The following CDC73 variants were observed in gnomAD, a reference collection of about 807,000 sequenced individuals.
The protein encoded by CDC73 is cell division cycle 73, also known as parafibromin.
Under a neutral mutation model 83.7 loss-of-function variants are expected in CDC73, and 21 were observed. The ratio of observed to expected loss-of-function variants is 0.25; its 90% confidence interval spans 0.18 to 0.36. The LOEUF is 0.36. CDC73 is among the 10% of genes least tolerant of loss of function. The probability of loss-of-function intolerance (pLI) is 1.00; values close to 1 mark genes in which losing one functional copy is unlikely to be tolerated. For missense variants in CDC73, 342 were observed against 653.3 expected (o/e 0.52, Z 5.19); for synonymous variants, 224 against 212.9 (o/e 1.05, Z -0.45).
intron 13 of CDC73, among the ~76,000 whole-genome samples, chr1:193,213,689 C>G (rs1677314760): frequency 6.6e-6 from 1 of 152,008 alleles, no homozygotes; most frequent in Non-Finnish European, 1.5e-5. Context: ...ACATACATAC[C>G]TGATTATTTA....
chr1:193,163,839 C>T lies in CDC73; in HGVS notation c.972+11395C>T, dbSNP rs913998231. On this transcript the variant is annotated intron_variant, in intron 10 of 16. Coordinates refer to ENST00000367435, the MANE Select transcript of CDC73 (RefSeq NM_024529.5). Reference sequence around the variant, plus strand: ...TGTCACCCAGGCTGGAGTGCAGTGGCGTGATCTGGATCAACTGCAACCTCC... The same window carrying T: ...TGTCACCCAGGCTGGAGTGCAGTGGTGTGATCTGGATCAACTGCAACCTCC... Among the ~76,000 whole-genome samples the T allele has an allele frequency of 8.8e-4, 134 of 152,054 alleles. 13 individuals carry two copies. The highest frequency in any genetic ancestry group is 2.4e-5 in the African/African-American group (1 of 41,410).
At chr1:193,168,388 T>C (rs1676467130) in intron 10 of CDC73, among the ~76,000 whole-genome samples, 1 of 152,182 alleles carries the variant, frequency 6.6e-6, no homozygotes, top group African/African-American at 2.4e-5. Context: ...AAACAAAATT[T>C]AGTGTTACAT....
chr1:193,235,909 A>T (rs1450575178), intron 14 of CDC73, among the ~76,000 whole-genome samples: 1 of 152,226 alleles, frequency 6.6e-6, no homozygotes, highest in African/African-American at 2.4e-5. Flanking sequence ...GTTATCAACC[A>T]CTATTCCCTA....
intron 13 of CDC73, among the ~76,000 whole-genome samples, chr1:193,224,209 T>C (rs1291890209): frequency 6.6e-6 from 1 of 152,078 alleles, no homozygotes; most frequent in Non-Finnish European, 1.5e-5. Context: ...ATTTACTGTT[T>C]ACTTGTTTTT....
chr1:193,202,552 A>C (rs1413280009), intron 10 of CDC73, among the ~76,000 whole-genome samples: 1 of 151,912 alleles, frequency 6.6e-6, no homozygotes, highest in Non-Finnish European at 1.5e-5. Flanking sequence ...AATATATATT[A>C]ATAACTAAAT....
intron 10 of CDC73, among the ~76,000 whole-genome samples, chr1:193,191,847 T>C (rs1233081469): frequency 6.6e-6 from 1 of 152,146 alleles, no homozygotes; most frequent in Non-Finnish European, 1.5e-5. Context: ...GTAAAGTAAA[T>C]ATAAAGGGCA....
At chr1:193,142,545 G>A (rs1439937159) in intron 7 of CDC73, among the ~76,000 whole-genome samples, 1 of 151,862 alleles carries the variant, frequency 6.6e-6, no homozygotes, top group Non-Finnish European at 1.5e-5. Context: ...CCCTATTAAT[G>A]GAAATTGTTT....
At chr1:193,220,039 A>G (rs1034773569) in intron 13 of CDC73, among the ~76,000 whole-genome samples, 1 of 152,116 alleles carries the variant, frequency 6.6e-6, no homozygotes, top group Admixed American at 6.5e-5. Flanking sequence ...AATGTTGAAA[A>G]TTTCCTGTTA....
chr1:193,123,659 A>G (rs1675509165), intron 1 of CDC73, among the ~76,000 whole-genome samples: 1 of 149,880 alleles, frequency 6.7e-6, no homozygotes, highest in South Asian at 2.1e-4. Context: ...ATGTGGTTGG[A>G]TTTTTAGTGA....
At chr1:193,193,833 T>TG (rs1676959671) in intron 10 of CDC73, among the ~76,000 whole-genome samples, 1 of 140,942 alleles carries the variant, frequency 7.1e-6, no homozygotes, top group Non-Finnish European at 1.5e-5. Flanking sequence ...GTGTGTGTTG[T>TG]GGGGCAGTGA....
At chr1:193,205,811 A>G (rs1173933536) in intron 11 of CDC73, among the ~76,000 whole-genome samples, 1 of 152,170 alleles carries the variant, frequency 6.6e-6, no homozygotes, top group African/African-American at 2.4e-5. Context: ...GAAGGAAGAA[A>G]AAAGTGAAGG....
At chr1:193,209,066 C>T (rs1330271466) in intron 11 of CDC73, among the ~76,000 whole-genome samples, 2 of 152,228 alleles carry the variant, frequency 1.3e-5, no homozygotes, top group Non-Finnish European at 2.9e-5. Flanking sequence ...GGCTCCCGTA[C>T]TCTGCTGAAA....
chr1:193,231,091 T>C (rs907081464), intron 13 of CDC73, among the ~76,000 whole-genome samples: 7 of 152,148 alleles, frequency 4.6e-5, no homozygotes, highest in Non-Finnish European at 7.4e-5. Flanking sequence ...ATAATAGACT[T>C]TTTATTAGTT....
chr1:193,190,857 A>G (rs542855944), intron 10 of CDC73, among the ~76,000 whole-genome samples: 3 of 152,284 alleles, frequency 2.0e-5, no homozygotes, highest in Non-Finnish European at 4.4e-5. Context: ...TGGTAGGGGT[A>G]GTACTGATTT....
rs114361688 is a variant in CDC73, at chr1:193,239,732, T to C, written c.1417+3376T>C. 5.1e-3 allele frequency among the ~76,000 whole-genome samples: 776 copies of C among 152,272 alleles called. 3 individuals are homozygous for C. The highest frequency in any genetic ancestry group is 8.4e-3 in the Non-Finnish European group (569 of 67,984). On this transcript the variant is annotated intron_variant, in intron 15 of 16. Transcript: ENST00000367435. Reference sequence around the variant, plus strand: ...ATGTATCACCTTGAGTGTTTATTATTTCTGTGTTTTGGGAACATTTCAAGT... The same window carrying C: ...ATGTATCACCTTGAGTGTTTATTATCTCTGTGTTTTGGGAACATTTCAAGT...
At chr1:193,163,993 G>A (rs146179750) in intron 10 of CDC73, among the ~76,000 whole-genome samples, 1 of 152,142 alleles carries the variant, frequency 6.6e-6, no homozygotes, top group Non-Finnish European at 1.5e-5. Flanking sequence ...GGCCAGGCTG[G>A]CCTTGAACTC....
rs575251088 is a variant in CDC73, at chr1:193,226,642, A to T, written c.1155-6351A>T. On this transcript the variant is annotated intron_variant, in intron 13 of 16. Coordinates refer to ENST00000367435, the MANE Select transcript of CDC73 (RefSeq NM_024529.5). ...ACATTTATTGACTTGTGTATGTTAA[A>T]CCATCCCTGCATCCTTGGTATGAAA... Among the ~76,000 whole-genome samples the T allele has an allele frequency of 1.8e-3, 269 of 152,282 alleles. 1 individual carries two copies. The highest frequency in any genetic ancestry group is 3.1e-3 in the Non-Finnish European group (214 of 68,004).
At chr1:193,148,612 G>A (rs978777153) in intron 8 of CDC73, among the ~76,000 whole-genome samples, 1 of 145,704 alleles carries the variant, frequency 6.9e-6, no homozygotes, top group Non-Finnish European at 1.5e-5. Flanking sequence ...ATAGAAAATA[G>A]AAGATTCTAT....
rs916808982 is a variant in CDC73 at position 193,240,862 on chromosome 1, T to C, written c.1417+4506T>C. Among the ~76,000 whole-genome samples the C allele has an allele frequency of 3.3e-5, 5 of 152,240 alleles. 1 individual carries two copies. Among genetic ancestry groups the C allele is most frequent in the Non-Finnish European group, 2.9e-5 (2 of 68,038 alleles). ...TTAATATAATCCCATCTATTTTTGT[T>C]GCCTGTGCTTTTGAGGTCTTAGCCA... On this transcript the variant is annotated intron_variant, in intron 15 of 16. Coordinates refer to ENST00000367435, the MANE Select transcript of CDC73 (RefSeq NM_024529.5).
Sources: gnomAD v4.1 joint callset for allele counts (sites outside exome capture counted in the v4.1 genomes callset) on GRCh38, gnomAD v4.1.1 for gene constraint, MANE v1.5 for transcripts, NCBI Gene and HGNC (gene_info 2026-07-23, HGNC 2026-07-21) for gene names.